Variants in ADPRHL1 observed in about 807,000 individuals in gnomAD.
ADPRHL1 encodes the protein inactive ADP-ribosyltransferase ARH2.
A neutral mutation model predicts 44.1 loss-of-function variants in ADPRHL1; 43 were observed. That is an observed-to-expected ratio of 0.98 (90% confidence interval 0.76 to 1.26). The LOEUF (loss-of-function observed/expected upper bound fraction) is 1.26, where lower values mean the gene tolerates loss of function less well. Ranked by LOEUF, ADPRHL1 falls within the 50% of genes most tolerant of loss-of-function variation. The pLI, the probability that ADPRHL1 is intolerant of heterozygous loss-of-function variation, is 0.00. For missense variants in ADPRHL1, 2,022 were observed against 2,496.9 expected (o/e 0.81, Z 4.05); for synonymous variants, 878 against 1,017.4 (o/e 0.86, Z 2.61).
intron 1 of ADPRHL1, among the ~76,000 whole-genome samples, chr13:113,447,710 G>A (rs114403787): frequency 6.4e-4 from 98 of 152,316 alleles, no homozygotes; most frequent in African/African-American, 2.3e-3. Flanking sequence ...CTGTGGTTTG[G>A]GAGACACGAG....
intron 1 of ADPRHL1, among the ~76,000 whole-genome samples, chr13:113,444,815 G>A (rs1359577534): frequency 6.6e-6 from 1 of 152,114 alleles, no homozygotes; most frequent in Non-Finnish European, 1.5e-5. Flanking sequence ...AGTAGAGACG[G>A]GGTTTCACCA....
rs555740021 is a variant in ADPRHL1 at position 113,407,067 on chromosome 13, C to T, written c.2215G>A (p.Gly739Arg). 564 of 1,232,298 alleles carry T rather than the reference C, an allele frequency of 4.6e-4. 1 individual carries two copies. In the African/African-American group the frequency reaches 6.7e-3, roughly 15 times the overall value. 76.3% of individuals were successfully genotyped at this position (1,232,298 alleles called of 1,614,324 possible). Residue 739 changes from glycine to arginine, a missense_variant, in exon 8 of 8, where the codon GGA becomes AGA. Transcript: ENST00000612156. Reference protein sequence around the residue: ...PASPWGTGSAGGDGTADPTAE... With the variant: ...PASPWGTGSARGDGTADPTAE... Reference sequence around the variant, plus strand: ...GTGGGGTCTGCAGTCCCATCACCTCCGGCTGATCCGGTGCCCCAAGGGCTG... The same window carrying T: ...GTGGGGTCTGCAGTCCCATCACCTCTGGCTGATCCGGTGCCCCAAGGGCTG...
intron 1 of ADPRHL1, among the ~76,000 whole-genome samples, chr13:113,448,112 C>T (rs971801478): frequency 6.6e-6 from 1 of 152,158 alleles, no homozygotes; most frequent in Non-Finnish European, 1.5e-5. Context: ...TACCCTTGGG[C>T]TTCTCCCCGG....
chr13:113,422,790 G>T, intron 7 of ADPRHL1, 36 bp downstream of exon 7: 2 of 1,611,208 alleles, frequency 1.2e-6, no homozygotes, highest in Admixed American at 1.7e-5. Context: ...GGGTGGAATC[G>T]GCTCTCTAGG....
intron 2 of ADPRHL1, among the ~76,000 whole-genome samples, chr13:113,439,447 T>TAA (rs2139643283): frequency 6.9e-6 from 1 of 144,280 alleles, no homozygotes; most frequent in South Asian, 2.2e-4. Context: ...TCTTTGTATT[T>TAA]TTTTTTTTTT....
chr13:113,447,269 T>C (rs2044147857), intron 1 of ADPRHL1, among the ~76,000 whole-genome samples: 1 of 129,838 alleles, frequency 7.7e-6, no homozygotes, highest in Admixed American at 7.4e-5. Flanking sequence ...GTGTTGTGTG[T>C]GCATGGCGTC....
chr13:113,424,574 C>T (rs182398951), intron 5 of ADPRHL1, among the ~76,000 whole-genome samples: 1 of 151,592 alleles, frequency 6.6e-6, no homozygotes, highest in African/African-American at 2.4e-5. Flanking sequence ...CCTGCCTCAG[C>T]CTCCCGAGTA....
intron 2 of ADPRHL1, among the ~76,000 whole-genome samples, chr13:113,435,841 G>A (rs2044050092): frequency 8.7e-6 from 1 of 115,602 alleles, no homozygotes; most frequent in Non-Finnish European, 1.8e-5. Context: ...GAACATAGGT[G>A]TACCCCGGGA....
chr13:113,451,669 G>A (rs368118236), intron 1 of ADPRHL1, among the ~76,000 whole-genome samples: 41 of 152,248 alleles, frequency 2.7e-4, no homozygotes, highest in Non-Finnish European at 4.3e-4. Flanking sequence ...TCAGCCGGGC[G>A]TGGTGGTGGG....
chr13:113,429,464 C>T (rs6577045), intron 3 of ADPRHL1, among the ~76,000 whole-genome samples: 151,948 of 152,338 alleles, frequency 1, 75,781 homozygotes, highest in Non-Finnish European at 1. Context: ...GGACGCATCC[C>T]CAGGTTCACC....
At chr13:113,420,053 G>T (rs1281623949) in intron 7 of ADPRHL1, among the ~76,000 whole-genome samples, 1 of 151,302 alleles carries the variant, frequency 6.6e-6, no homozygotes, top group Non-Finnish European at 1.5e-5. Flanking sequence ...GTGTTATCTG[G>T]GTGGTTGGAA....
chr13:113,408,927 G>T (rs1222646391), intron 7 of ADPRHL1, among the ~76,000 whole-genome samples: 2 of 150,828 alleles, frequency 1.3e-5, no homozygotes, highest in Non-Finnish European at 3.0e-5. Context: ...GGGAGGAGCG[G>T]GTTGCAGAGA....
intron 7 of ADPRHL1, among the ~76,000 whole-genome samples, chr13:113,408,576 T>C (rs2043826071): frequency 6.6e-6 from 1 of 152,242 alleles, no homozygotes; most frequent in Admixed American, 6.5e-5. Flanking sequence ...AAACATACTT[T>C]GCTTGTACAG....
At chr13:113,428,393 CA>C (rs1303772132) in intron 4 of ADPRHL1, among the ~76,000 whole-genome samples, 1 of 152,214 alleles carries the variant, frequency 6.6e-6, no homozygotes, top group Non-Finnish European at 1.5e-5. Flanking sequence ...GCAAGGACGC[CA>C]AAGGCTGCAT....
At chr13:113,448,707 C>T (rs1280241241) in intron 1 of ADPRHL1, among the ~76,000 whole-genome samples, 1 of 152,184 alleles carries the variant, frequency 6.6e-6, no homozygotes, top group Non-Finnish European at 1.5e-5. Flanking sequence ...TCCTGCTGGG[C>T]CCTGAAGTTG....
At position 113,428,941 on chromosome 13, in the gene ADPRHL1, G is replaced by C; in HGVS notation, c.646+11C>G. ...CTCTGAGTGCGGACTGGGGCCGGGGGAGCGGCTCACCTGCCGTGTGCCGGA... is the reference window on the plus strand; with the variant it reads ...CTCTGAGTGCGGACTGGGGCCGGGGCAGCGGCTCACCTGCCGTGTGCCGGA... On this transcript the variant is annotated intron_variant, in intron 4 of 7. Transcript: ENST00000612156. 6.2e-7 allele frequency: 1 copy of C among 1,612,028 alleles called. No homozygotes were observed. Among genetic ancestry groups the C allele is most frequent in the Non-Finnish European group, 8.5e-7 (1 of 1,179,942 alleles).
At chr13:113,430,198 C>A (rs901248300) in intron 3 of ADPRHL1, among the ~76,000 whole-genome samples, 1 of 152,222 alleles carries the variant, frequency 6.6e-6, no homozygotes. Context: ...TGCAAGCCAT[C>A]AGAGAGGAGC....
At chr13:113,416,533 G>A (rs980304753) in intron 7 of ADPRHL1, among the ~76,000 whole-genome samples, 7 of 152,066 alleles carry the variant, frequency 4.6e-5, no homozygotes, top group Admixed American at 1.3e-4. Flanking sequence ...CTTGCCTGCC[G>A]CCTAATTACA....
chr13:113,438,031 T>C (rs2044073563), intron 2 of ADPRHL1, among the ~76,000 whole-genome samples: 1 of 152,102 alleles, frequency 6.6e-6, no homozygotes. Flanking sequence ...AGGTTTCACC[T>C]TGTTGGCCAG....
Sources: gnomAD v4.1 joint callset for allele counts (sites outside exome capture counted in the v4.1 genomes callset) on GRCh38, gnomAD v4.1.1 for gene constraint, MANE v1.5 for transcripts, NCBI Gene and HGNC (gene_info 2026-07-23, HGNC 2026-07-21) for gene names.